The following PHF21A variants were observed in gnomAD, a reference collection of about 807,000 sequenced individuals.
PHF21A encodes BHC80a.
Under a neutral mutation model 82.5 loss-of-function variants are expected in PHF21A, and 11 were observed. That is an observed-to-expected ratio of 0.13 (90% CI 0.08 to 0.22). The LOEUF (loss-of-function observed/expected upper bound fraction) is 0.22. Among genes scored for constraint, PHF21A ranks in the 10% least tolerant of loss-of-function variants. The pLI, the probability that PHF21A is intolerant of heterozygous loss-of-function variation, is 1.00. For synonymous variants in PHF21A, 297 were observed against 302.8 expected (o/e 0.98, Z 0.20); for missense variants, 579 against 837.8 (o/e 0.69, Z 3.81).
At chr11:46,035,465 A>G (rs2095978709) in intron 6 of PHF21A, among the ~76,000 whole-genome samples, 1 of 152,252 alleles carries the variant, frequency 6.6e-6, no homozygotes. Context: ...TCAGTACACT[A>G]CATTGTGTTA....
At chr11:45,960,708 A>G (rs1375201811) in intron 10 of PHF21A, among the ~76,000 whole-genome samples, 3 of 152,242 alleles carry the variant, frequency 2.0e-5, no homozygotes, top group Non-Finnish European at 4.4e-5. Flanking sequence ...TTAAAAAAAA[A>G]TTGGATTTAG....
At chr11:46,071,265 G>C (rs1294989334) in intron 6 of PHF21A, among the ~76,000 whole-genome samples, 1 of 152,152 alleles carries the variant, frequency 6.6e-6, no homozygotes, top group African/African-American at 2.4e-5. Flanking sequence ...ATACGCCCCA[G>C]GTAGCTGCTG....
intron 6 of PHF21A, among the ~76,000 whole-genome samples, chr11:46,012,151 T>C (rs1346892431): frequency 1.3e-5 from 2 of 152,248 alleles, no homozygotes; most frequent in Non-Finnish European, 2.9e-5. Context: ...CTGAAGTTCA[T>C]GCCATCTTTA....
At chr11:46,009,634 A>G (rs1021305914) in intron 6 of PHF21A, among the ~76,000 whole-genome samples, 1 of 152,222 alleles carries the variant, frequency 6.6e-6, no homozygotes, top group Non-Finnish European at 1.5e-5. Context: ...AGATGGAGAA[A>G]CTAAAGCACA....
In PHF21A at chr11:45,936,767, C is replaced by A. The variant is rs1269842935; in HGVS notation, c.1609-198G>T. The stretch of plus-strand genomic sequence containing the variant: ...CAGCTTAGGAGAATCAAGTTCAAGG[C>A]AGGAAGAGCCAGGACACTTGAGCCC... On this transcript the variant is annotated intron_variant, in intron 16 of 18. Transcript: ENST00000676320. 4 of 545,426 alleles carry A rather than the reference C, an allele frequency of 7.3e-6. No individual in the cohort carries two copies. The African/African-American group carries it at 7.8e-5, about 11-fold the overall frequency. 33.8% of individuals were successfully genotyped at this position (545,426 alleles called of 1,614,324 possible). A position where few individuals can be genotyped will look rare whatever the true frequency, so the allele number is the denominator to read the frequency against.
At chr11:45,944,096 C>CA (rs764839102) in intron 15 of PHF21A, among the ~76,000 whole-genome samples, 30 of 152,114 alleles carry the variant, frequency 2.0e-4, no homozygotes, top group Non-Finnish European at 4.0e-4. Flanking sequence ...GCAGGAAAAA[C>CA]AAAGTGTCAC....
At chr11:46,089,766 G>A (rs1474663645) in intron 3 of PHF21A, among the ~76,000 whole-genome samples, 1 of 131,486 alleles carries the variant, frequency 7.6e-6, no homozygotes, top group Non-Finnish European at 1.5e-5. Context: ...GAATGTATGT[G>A]AGTATAAAAT....
At chr11:46,091,220 T>C (rs1410757943) in intron 2 of PHF21A, among the ~76,000 whole-genome samples, 1 of 152,194 alleles carries the variant, frequency 6.6e-6, no homozygotes, top group Admixed American at 6.5e-5. Context: ...TTAATTACTA[T>C]TTGAGAGAGG....
intron 6 of PHF21A, among the ~76,000 whole-genome samples, chr11:45,980,988 G>T (rs1030124959): frequency 1.3e-5 from 2 of 152,128 alleles, no homozygotes; most frequent in Admixed American, 6.5e-5. Flanking sequence ...AAATCCAAGA[G>T]AAATGTGTTT....
intron 1 of PHF21A, chr11:46,116,702 G>A (rs2097294113): frequency 1.3e-5 from 2 of 152,000 alleles, no homozygotes; most frequent in Non-Finnish European, 1.5e-5. Context: ...GGTGGCTCAC[G>A]CCTATAATCC....
At chr11:45,939,739 T>G (rs1282375443) in intron 15 of PHF21A, among the ~76,000 whole-genome samples, 3 of 116,698 alleles carry the variant, frequency 2.6e-5, no homozygotes, top group African/African-American at 3.5e-5. Flanking sequence ...ATAAAGCAGA[T>G]CTACTTAAAA....
chr11:46,005,372 TG>T (rs1434379656), intron 6 of PHF21A, among the ~76,000 whole-genome samples: 1 of 152,234 alleles, frequency 6.6e-6, no homozygotes. Flanking sequence ...TTTTTCAGAC[TG>T]TAGAATATTT....
intron 9 of PHF21A, 119 bp downstream of exon 9, chr11:45,969,696 T>C (rs918204030): frequency 6.0e-6 from 4 of 663,366 alleles, no homozygotes; most frequent in African/African-American, 5.5e-5. Flanking sequence ...AGTCAGAATG[T>C]TTAGCTAAGC....
At chr11:46,017,459 G>C (rs1404823351) in intron 6 of PHF21A, among the ~76,000 whole-genome samples, 1 of 151,948 alleles carries the variant, frequency 6.6e-6, no homozygotes, top group Non-Finnish European at 1.5e-5. Context: ...TTCTTGCTTT[G>C]GGTGTGTGGA....
At chr11:46,092,775 T>TTTG (rs2096940889) in intron 1 of PHF21A, among the ~76,000 whole-genome samples, 1 of 151,216 alleles carries the variant, frequency 6.6e-6, no homozygotes, top group African/African-American at 2.4e-5. Flanking sequence ...TTTTTTTTTT[T>TTTG]GAAACAATGT....
chr11:46,044,131 G>A (rs922340417), intron 6 of PHF21A, among the ~76,000 whole-genome samples: 1 of 152,072 alleles, frequency 6.6e-6, no homozygotes, highest in Non-Finnish European at 1.5e-5. Flanking sequence ...TTCAACCTAA[G>A]CACTACTGTT....
intron 6 of PHF21A, among the ~76,000 whole-genome samples, chr11:45,990,388 A>T (rs2094650567): frequency 6.7e-6 from 1 of 150,264 alleles, no homozygotes; most frequent in Admixed American, 6.7e-5. Flanking sequence ...CTCCCCAAGG[A>T]GCTGGGACTA....
intron 6 of PHF21A, among the ~76,000 whole-genome samples, chr11:46,067,438 C>G (rs1378780121): frequency 6.6e-6 from 1 of 151,974 alleles, no homozygotes; most frequent in Non-Finnish European, 1.5e-5. Flanking sequence ...AACTGGTGGC[C>G]CCAGACTCAT....
Position 46,015,210 on chromosome 11 carries a change from GTTGAT to G in PHF21A, c.154-35249_154-35245del, listed in dbSNP as rs1010938541. Reference sequence around the variant, plus strand: ...TGGGGTTATTTATTTTGTTGTTGTTGTTGATTTAAGTTCCTTACAGATTCTGGATA... The same window carrying G: ...TGGGGTTATTTATTTTGTTGTTGTTGTTAAGTTCCTTACAGATTCTGGATA... On this transcript the variant is annotated intron_variant, in intron 6 of 18. Coordinates refer to ENST00000676320, the MANE Select transcript of PHF21A (RefSeq NM_001352027.3). Among the ~76,000 whole-genome samples the G allele has an allele frequency of 2.0e-4, 30 of 152,042 alleles. 1 individual carries two copies. The highest frequency in any genetic ancestry group is 9.6e-4 in the East Asian group (5 of 5,186).
Sources: allele counts gnomAD v4.1 joint callset (sites outside exome capture counted in the v4.1 genomes callset), GRCh38; gene constraint gnomAD v4.1.1; transcripts MANE v1.5; gene names NCBI Gene and HGNC (gene_info 2026-07-23, HGNC 2026-07-21).